The following ROBO1 variants were observed in gnomAD, a reference collection of about 807,000 sequenced individuals.
The protein encoded by ROBO1 is roundabout guidance receptor 1, also known as roundabout homolog 1.
A neutral mutation model predicts 195.9 loss-of-function variants in ROBO1; 149 were observed. The observed-to-expected ratio is 0.76, with a 90% confidence interval of 0.67 to 0.87. The LOEUF (loss-of-function observed/expected upper bound fraction) is 0.87, where lower values mean the gene tolerates loss of function less well. Among genes scored for constraint, ROBO1 ranks in the 40% least tolerant of loss-of-function variants. ROBO1 has a pLI of 0.00. For missense variants in ROBO1, 1,933 were observed against 2,068.3 expected, an observed-to-expected ratio of 0.93 and a Z score of 1.27; for synonymous variants, 816 against 733.2, an observed-to-expected ratio of 1.11 and a Z score of -1.82.
At chr3:79,218,674 T>C (rs911205754) in intron 2 of ROBO1, among the ~76,000 whole-genome samples, 2 of 151,996 alleles carry the variant, frequency 1.3e-5, no homozygotes, top group African/African-American at 4.8e-5. Flanking sequence ...TAAATAATAA[T>C]GAATCTTTTA....
At chr3:79,027,637 T>C (rs2078224684) in intron 3 of ROBO1, among the ~76,000 whole-genome samples, 1 of 152,002 alleles carries the variant, frequency 6.6e-6, no homozygotes, top group African/African-American at 2.4e-5. Flanking sequence ...ACAACAAAGA[T>C]AATTATATAT....
At chr3:79,347,693 T>G (rs757405162) in intron 2 of ROBO1, among the ~76,000 whole-genome samples, 21 of 152,174 alleles carry the variant, frequency 1.4e-4, no homozygotes, top group Non-Finnish European at 2.5e-4. Context: ...CAAAGAATAC[T>G]TGGCAAGTAG....
At chr3:79,182,951 C>G (rs1013129403) in intron 2 of ROBO1, among the ~76,000 whole-genome samples, 9 of 151,544 alleles carry the variant, frequency 5.9e-5, no homozygotes, top group African/African-American at 1.5e-4. Context: ...TGTGGTGGCA[C>G]GTGCCTGTAG....
At chr3:79,049,382 G>C (rs1360754038) in intron 3 of ROBO1, among the ~76,000 whole-genome samples, 1 of 152,148 alleles carries the variant, frequency 6.6e-6, no homozygotes, top group African/African-American at 2.4e-5. Context: ...AAGCCTCAGA[G>C]AAATAAGGGA....
In ROBO1 at chr3:78,783,011, C is replaced by A. The variant is rs540974943; in HGVS notation, c.500-36111G>T. Among the ~76,000 whole-genome samples, 21 of 152,226 alleles carry A rather than the reference C, an allele frequency of 1.4e-4. No individual in the cohort carries two copies. In the South Asian group the frequency reaches 4.1e-3, roughly 30 times the overall value. ...GGCACTGTGAAAGTAACAATGAAAA[C>A]ATGAATTCGTGACTAAAGAACAAAG... On this transcript the variant is annotated intron_variant, in intron 4 of 30. Coordinates refer to ENST00000464233, the MANE Select transcript of ROBO1 (RefSeq NM_002941.4).
At chr3:79,751,346 AT>A (rs1170546119) in intron 1 of ROBO1, among the ~76,000 whole-genome samples, 1 of 152,162 alleles carries the variant, frequency 6.6e-6, no homozygotes, top group Non-Finnish European at 1.5e-5. Context: ...TGTATTATTA[AT>A]TGCAAAAATG....
chr3:78,815,849 C>T (rs936076812), intron 4 of ROBO1, among the ~76,000 whole-genome samples: 1 of 152,034 alleles, frequency 6.6e-6, no homozygotes, highest in Non-Finnish European at 1.5e-5. Flanking sequence ...AGTTTTAAAC[C>T]CGTCAGTGTC....
intron 1 of ROBO1, among the ~76,000 whole-genome samples, chr3:79,623,849 C>A (rs778374425): frequency 1.3e-5 from 2 of 152,192 alleles, no homozygotes; most frequent in Non-Finnish European, 1.5e-5. Flanking sequence ...ACAGAGAACA[C>A]CACTAAGACA....
chr3:78,617,506 T>TAAA (rs373038212), intron 27 of ROBO1, 129 bp downstream of exon 27: 23,609 of 715,168 alleles, frequency 0.033, 9 homozygotes, highest in East Asian at 0.055. Context: ...CTTAGGCAGC[T>TAAA]AAAAAAAAAA....
intron 2 of ROBO1, among the ~76,000 whole-genome samples, chr3:79,395,059 C>T (rs966433595): frequency 6.6e-6 from 1 of 151,942 alleles, no homozygotes; most frequent in Non-Finnish European, 1.5e-5. Flanking sequence ...CGCGGTGGCT[C>T]ACGCCTGTAA....
chr3:79,583,515 C>A (rs1006291981), intron 2 of ROBO1, among the ~76,000 whole-genome samples: 1 of 151,734 alleles, frequency 6.6e-6, no homozygotes, highest in African/African-American at 2.4e-5. Flanking sequence ...AAAGATATTT[C>A]TTCCTAAGGA....
At chr3:78,800,958 G>A (rs6548600) in intron 4 of ROBO1, among the ~76,000 whole-genome samples, 39,211 of 152,018 alleles carry the variant, frequency 0.26, 5,249 homozygotes, top group African/African-American at 0.27. Context: ...GGATAAATAC[G>A]GATAATCTTA....
intron 3 of ROBO1, among the ~76,000 whole-genome samples, chr3:79,093,889 G>A (rs1242328626): frequency 1.3e-5 from 2 of 151,972 alleles, no homozygotes; most frequent in Non-Finnish European, 2.9e-5. Context: ...AGAAACAGGG[G>A]GAGAGCTAGA....
At chr3:79,300,217 G>T (rs906302157) in intron 2 of ROBO1, among the ~76,000 whole-genome samples, 1 of 152,192 alleles carries the variant, frequency 6.6e-6, no homozygotes, top group Non-Finnish European at 1.5e-5. Flanking sequence ...GGAGGTGTGG[G>T]GGGAGAGGCG....
chr3:79,136,868 T>C (rs563520033), intron 2 of ROBO1, among the ~76,000 whole-genome samples: 2 of 152,066 alleles, frequency 1.3e-5, no homozygotes, highest in Non-Finnish European at 2.9e-5. Context: ...AGGTGGTGCC[T>C]CCTTAGAAAT....
At chr3:79,078,549 G>T (rs1042005372) in intron 3 of ROBO1, among the ~76,000 whole-genome samples, 1 of 151,720 alleles carries the variant, frequency 6.6e-6, no homozygotes, top group African/African-American at 2.4e-5. Flanking sequence ...GTGATGGGAT[G>T]TCCCATATAT....
intron 2 of ROBO1, among the ~76,000 whole-genome samples, chr3:79,376,406 G>A (rs1422999642): frequency 6.6e-6 from 1 of 152,142 alleles, no homozygotes; most frequent in Non-Finnish European, 1.5e-5. Flanking sequence ...GTGTTAGAAT[G>A]AAAATACACG....
intron 2 of ROBO1, among the ~76,000 whole-genome samples, chr3:79,538,414 A>G (rs1409705595): frequency 2.7e-5 from 4 of 148,810 alleles, no homozygotes; most frequent in Non-Finnish European, 4.4e-5. Context: ...TAGTGCTAAT[A>G]AAATCCCCAG....
rs181904737 is a variant in ROBO1, at chr3:78,770,768, T to C, written c.500-23868A>G. 2.8e-4 allele frequency among the ~76,000 whole-genome samples: 42 copies of C among 152,300 alleles called. 2 individuals carry two copies. Among genetic ancestry groups the C allele is most frequent in the Admixed American group, 2.4e-3 (36 of 15,284 alleles). On this transcript the variant is annotated intron_variant, in intron 4 of 30. Transcript: ENST00000464233. The stretch of plus-strand genomic sequence containing the variant: ...TATTCTTATACTTTGAGATTTTACA[T>C]TTAAACCTTTAATCCAGATGGGTGT...
Sources: allele counts gnomAD v4.1 joint callset (sites outside exome capture counted in the v4.1 genomes callset), GRCh38; gene constraint gnomAD v4.1.1; transcripts MANE v1.5; gene names NCBI Gene and HGNC (gene_info 2026-07-23, HGNC 2026-07-21).